Variants in ITGA9 observed in about 807,000 individuals in gnomAD.
ITGA9 encodes the protein integrin alpha-9.
ITGA9 carries 56 observed loss-of-function variants against 127.8 expected under a neutral mutation model. The ratio of observed to expected loss-of-function variants is 0.44; its 90% CI spans 0.35 to 0.55. The LOEUF (loss-of-function observed/expected upper bound fraction) is 0.55. ITGA9 is among the 20% of genes least tolerant of loss of function. ITGA9 has a pLI of 0.00. For missense variants in ITGA9, 1,196 were observed against 1,347.1 expected (o/e 0.89, Z 1.76); for synonymous variants, 508 against 514.5 (o/e 0.99, Z 0.17).
chr3:37,547,582 A>G, intron 15 of ITGA9, among the ~76,000 whole-genome samples: 1 of 152,130 alleles, frequency 6.6e-6, no homozygotes, highest in Non-Finnish European at 1.5e-5. Context: ...ACAGATAGTT[A>G]AGAAAGGGAG....
chr3:37,552,498 A>G lies in ITGA9; in HGVS notation c.1689+9913A>G, dbSNP rs1301689527. On this transcript the variant is annotated intron_variant, in intron 15 of 27. Coordinates refer to ENST00000264741, the MANE Select transcript of ITGA9 (RefSeq NM_002207.3). ...ATGGCCTCTTTTCTTCTCATTTTGG[A>G]AGGGGAATATTTTTAGACTCTTTAA... 3.3e-5 allele frequency among the ~76,000 whole-genome samples: 5 copies of G among 151,832 alleles called. No individual in the cohort carries two copies. In the East Asian group the frequency reaches 9.6e-4, roughly 29 times the overall value.
At chr3:37,587,319 A>G (rs1699768565) in intron 15 of ITGA9, among the ~76,000 whole-genome samples, 2 of 152,218 alleles carry the variant, frequency 1.3e-5, no homozygotes, top group South Asian at 4.1e-4. Context: ...ACCTTACAGC[A>G]CAGGCTTTGG....
At chr3:37,782,124 C>T (rs918948730) in intron 25 of ITGA9, among the ~76,000 whole-genome samples, 3 of 152,192 alleles carry the variant, frequency 2.0e-5, no homozygotes, top group South Asian at 2.1e-4. Context: ...GAAATGTGTC[C>T]GCAGGCCAGG....
chr3:37,809,362 A>G (rs1189129325), intron 27 of ITGA9, among the ~76,000 whole-genome samples: 1 of 152,186 alleles, frequency 6.6e-6, no homozygotes, highest in Non-Finnish European at 1.5e-5. Flanking sequence ...CTGGGATTAC[A>G]GGTGTGAGCC....
chr3:37,525,329 G>A (rs1275583958), intron 12 of ITGA9, among the ~76,000 whole-genome samples: 1 of 152,006 alleles, frequency 6.6e-6, no homozygotes. Context: ...TATAAATCTA[G>A]TGGGTACTTA....
At chr3:37,613,426 G>T (rs1292962656) in intron 15 of ITGA9, among the ~76,000 whole-genome samples, 2 of 152,094 alleles carry the variant, frequency 1.3e-5, no homozygotes, top group Non-Finnish European at 2.9e-5. Flanking sequence ...ATAAACATAC[G>T]TGTGCATGTG....
At chr3:37,817,845 C>T (rs6783243) in intron 27 of ITGA9, among the ~76,000 whole-genome samples, 1 of 152,140 alleles carries the variant, frequency 6.6e-6, no homozygotes, top group African/African-American at 2.4e-5. Flanking sequence ...AGGGCAGGGT[C>T]TTTTCAGAAC....
chr3:37,736,811 A>C (rs981822022), intron 19 of ITGA9, 93 bp from the exon 20 acceptor site: 1 of 836,546 alleles, frequency 1.2e-6, no homozygotes, highest in African/African-American at 1.7e-5. Context: ...CATGCAAATG[A>C]GCTTCCAGAG....
At chr3:37,581,600 T>G (rs1024258028) in intron 15 of ITGA9, among the ~76,000 whole-genome samples, 44 of 152,364 alleles carry the variant, frequency 2.9e-4, no homozygotes, top group Non-Finnish European at 5.9e-4. Flanking sequence ...CCTGTTTAGA[T>G]GGCAGCTTCC....
At chr3:37,619,312 C>A (rs888326436) in intron 15 of ITGA9, among the ~76,000 whole-genome samples, 1 of 152,134 alleles carries the variant, frequency 6.6e-6, no homozygotes, top group Admixed American at 6.5e-5. Context: ...TTTAAGCCCA[C>A]AAATTAAGTA....
At chr3:37,577,281 T>G (rs1699663352) in intron 15 of ITGA9, among the ~76,000 whole-genome samples, 1 of 152,282 alleles carries the variant, frequency 6.6e-6, no homozygotes, top group African/African-American at 2.4e-5. Context: ...TGGGAATGCC[T>G]TGAGCCTCAG....
chr3:37,624,200 CTTTT>C (rs58307041), intron 15 of ITGA9, among the ~76,000 whole-genome samples: 13 of 85,752 alleles, frequency 1.5e-4, no homozygotes, highest in Admixed American at 4.7e-4. Flanking sequence ...AAAAAAAACC[CTTTT>C]TTTTTTTTTT....
chr3:37,590,384 G>C (rs1699803873), intron 15 of ITGA9, among the ~76,000 whole-genome samples: 1 of 152,200 alleles, frequency 6.6e-6, no homozygotes. Context: ...GGGTGGAGTA[G>C]AGCTGTGTGA....
chr3:37,741,416 G>T (rs1400170073), intron 20 of ITGA9, among the ~76,000 whole-genome samples: 4 of 152,108 alleles, frequency 2.6e-5, no homozygotes, highest in Non-Finnish European at 1.5e-5. Context: ...CCGACAGCAC[G>T]ACCCTCCTGT....
At position 37,629,681 on chromosome 3, in the gene ITGA9, T is replaced by C. The variant is rs1463558331; in HGVS notation, c.1839+345T>C. On this transcript the variant is annotated intron_variant, in intron 16 of 27. Coordinates refer to ENST00000264741, the MANE Select transcript of ITGA9 (RefSeq NM_002207.3). This position sits in a 1 kb window ranked among gnomAD's most constrained non-coding sequence, Gnocchi z 4.5. ...AGATTGGTGGATAGTAGGTGCTTAA[T>C]GAATGTTTTATTGGTGGGAGAATGA... Among the ~76,000 whole-genome samples the C allele has an allele frequency of 6.6e-6, 1 of 152,148 alleles. No homozygotes were observed. Among genetic ancestry groups the C allele is most frequent in the Non-Finnish European group, 1.5e-5 (1 of 68,014 alleles).
chr3:37,602,011 C>T (rs751014192), intron 15 of ITGA9, among the ~76,000 whole-genome samples: 21 of 152,124 alleles, frequency 1.4e-4, no homozygotes, highest in South Asian at 8.3e-4. Flanking sequence ...TTTTAACAAC[C>T]AGCTGTTGTA....
At chr3:37,802,569 A>C (rs1262551992) in intron 26 of ITGA9, among the ~76,000 whole-genome samples, 3 of 152,120 alleles carry the variant, frequency 2.0e-5, no homozygotes, top group African/African-American at 7.2e-5. Flanking sequence ...TGCAGTGAGG[A>C]GCTTAAATGG....
Position 37,789,768 on chromosome 3 carries a change from C to CAAAAA in ITGA9, c.2889+4712_2889+4716dup, listed in dbSNP as rs71635850. Among the ~76,000 whole-genome samples the CAAAAA allele has an allele frequency of 3.4e-4, 12 of 35,684 alleles. 3 individuals are homozygous for CAAAAA. The highest frequency in any genetic ancestry group is 1.3e-3 in the African/African-American group (10 of 7,794). The allele number at this position is 35,684 out of a possible 152,430, so 23.4% of individuals were successfully genotyped here. On this transcript the variant is annotated intron_variant, in intron 26 of 27. Transcript: ENST00000264741. Reference sequence around the variant, plus strand: ...TGGGTGACAGAGTGAGACTCCGTCTCAAAAAAAAAAAAAAAAAAAAAAAAA... The same window carrying CAAAAA: ...TGGGTGACAGAGTGAGACTCCGTCTCAAAAAAAAAAAAAAAAAAAAAAAAAAAAAA...
At chr3:37,725,119 A>G (rs1490370057) in intron 18 of ITGA9, among the ~76,000 whole-genome samples, 3 of 152,208 alleles carry the variant, frequency 2.0e-5, no homozygotes, top group African/African-American at 7.2e-5. Context: ...CAAATCAACA[A>G]AACAGTTCAC....
Sources: gnomAD v4.1 joint callset for allele counts (sites outside exome capture counted in the v4.1 genomes callset) on GRCh38, gnomAD v4.1.1 for gene constraint, Gnocchi (gnomAD v3.1) non-coding constraint, MANE v1.5 for transcripts, NCBI Gene and HGNC (gene_info 2026-07-23, HGNC 2026-07-21) for gene names.